The following WBP1L variants were observed in gnomAD, a reference collection of about 807,000 sequenced individuals.
WBP1L encodes WW domain binding protein 1 like, also known as WW domain binding protein 1-like.
WBP1L carries 17 observed loss-of-function variants against 33.7 expected under a neutral mutation model. The observed-to-expected ratio is 0.50, with a 90% CI of 0.34 to 0.76. WBP1L has a LOEUF of 0.76. WBP1L is among the 30% of genes least tolerant of loss of function. The probability of loss-of-function intolerance (pLI) is 0.01; values close to 1 mark genes in which losing one functional copy is unlikely to be tolerated. For synonymous variants in WBP1L, 173 were observed against 190.8 expected (o/e 0.91, Z 0.77); for missense variants, 389 against 469.4 (o/e 0.83, Z 1.58).
chr10:102,775,004 C>A (rs1296632748), intron 1 of WBP1L, among the ~76,000 whole-genome samples: 2 of 151,032 alleles, frequency 1.3e-5, no homozygotes, highest in Middle Eastern at 3.4e-3. Context: ...GGTACCAGCT[C>A]CTTGGGAGGC....
chr10:102,793,774 CT>C (rs533691764), intron 1 of WBP1L, among the ~76,000 whole-genome samples: 236 of 145,596 alleles, frequency 1.6e-3, no homozygotes, highest in Non-Finnish European at 1.7e-3. Flanking sequence ...CCAGCTCACT[CT>C]TTTTTTTTTT....
intron 1 of WBP1L, among the ~76,000 whole-genome samples, chr10:102,792,592 C>CTT (rs11368357): frequency 2.2e-4 from 23 of 103,580 alleles, no homozygotes; most frequent in African/African-American, 3.5e-4. Flanking sequence ...TTTTTCTTTT[C>CTT]TTTTTTTTTT....
chr10:102,793,945 TA>T (rs1476607489), intron 1 of WBP1L, among the ~76,000 whole-genome samples: 1 of 152,038 alleles, frequency 6.6e-6, no homozygotes, highest in African/African-American at 2.4e-5. Context: ...ATTGTATTAT[TA>T]TTTTTTTGGT....
At chr10:102,755,057 C>G (rs1449776300) in intron 1 of WBP1L, among the ~76,000 whole-genome samples, 2 of 151,896 alleles carry the variant, frequency 1.3e-5, no homozygotes, top group Non-Finnish European at 2.9e-5. Flanking sequence ...TCAAGCCATT[C>G]TCCTGCCTCA....
Position 102,814,397 on chromosome 10 carries a change from G to A in WBP1L, c.*1066G>A, listed in dbSNP as rs935016955. On this transcript the variant is annotated 3_prime_UTR_variant, in exon 4 of 4. Transcript: ENST00000448841. Reference sequence around the variant, plus strand: ...TGTTCCGTATGAGGAAACAGACAGCGGACTGAGGAAGCGATGGCCCCAGAG... The same window carrying A: ...TGTTCCGTATGAGGAAACAGACAGCAGACTGAGGAAGCGATGGCCCCAGAG... 9 of 152,602 alleles carry A rather than the reference G, an allele frequency of 5.9e-5. No individual in the cohort carries two copies. Among genetic ancestry groups the A allele is most frequent in the African/African-American group, 2.2e-4 (9 of 41,438 alleles). 9.5% of individuals were successfully genotyped at this position (152,602 alleles called of 1,614,324 possible).
rs181427986 is a variant in WBP1L, at chr10:102,772,396, G to A, written c.91-25597G>A. Among the ~76,000 whole-genome samples, 29 of 151,006 alleles carry A rather than the reference G, an allele frequency of 1.9e-4. No homozygotes were observed. The East Asian group carries it at 4.9e-3, about 25-fold the overall frequency. Reference sequence around the variant, plus strand: ...CTGCTTCAGTCTCTCAAGTAGCTGGGACTACAGGTATGTGTCACCATGCTT... The same window carrying A: ...CTGCTTCAGTCTCTCAAGTAGCTGGAACTACAGGTATGTGTCACCATGCTT... On this transcript the variant is annotated intron_variant, in intron 1 of 3. Coordinates refer to ENST00000448841, the MANE Select transcript of WBP1L (RefSeq NM_001083913.2).
rs539461358 is a variant in WBP1L, at chr10:102,794,340, G to A, written c.91-3653G>A. On this transcript the variant is annotated intron_variant, in intron 1 of 3. Transcript: ENST00000448841. ...TTAAAGTTGAAGGAGACGGCTGGGC[G>A]TGGTGGCTCACGCCTGTAATCCCAG... is the stretch of plus-strand genomic sequence containing the variant. Among the ~76,000 whole-genome samples, 99 of 152,262 alleles carry A rather than the reference G, an allele frequency of 6.5e-4. 2 individuals are homozygous for A. The highest frequency in any genetic ancestry group is 1.3e-3 in the Non-Finnish European group (86 of 68,014).
intron 1 of WBP1L, among the ~76,000 whole-genome samples, chr10:102,753,809 G>A (rs1297900881): frequency 6.6e-6 from 1 of 152,162 alleles, no homozygotes; most frequent in South Asian, 2.1e-4. Flanking sequence ...GAATATCTGT[G>A]GCTTGGAAGG....
chr10:102,754,939 C>T (rs1044215274), intron 1 of WBP1L, among the ~76,000 whole-genome samples: 8 of 151,598 alleles, frequency 5.3e-5, no homozygotes, highest in African/African-American at 1.9e-4. Flanking sequence ...TGTCACCCAG[C>T]TTTAAAATAC....
chr10:102,767,258 A>G (rs1437151524), intron 1 of WBP1L, among the ~76,000 whole-genome samples: 1 of 152,178 alleles, frequency 6.6e-6, no homozygotes, highest in African/African-American at 2.4e-5. Context: ...TTCTGCAGTG[A>G]TTGTCAACAA....
At chr10:102,800,968 G>GA (rs1359678708) in intron 2 of WBP1L, among the ~76,000 whole-genome samples, 1 of 152,096 alleles carries the variant, frequency 6.6e-6, no homozygotes, top group Non-Finnish European at 1.5e-5. Context: ...AGGCCTCCGG[G>GA]AAAAAATGCC....
At chr10:102,788,300 C>T (rs915514233) in intron 1 of WBP1L, among the ~76,000 whole-genome samples, 5 of 151,494 alleles carry the variant, frequency 3.3e-5, no homozygotes, top group Admixed American at 6.6e-5. Context: ...TTAGTAGAGA[C>T]GGGGTTTCAC....
chr10:102,794,414 G>C (rs1036847887), intron 1 of WBP1L, among the ~76,000 whole-genome samples: 1 of 152,058 alleles, frequency 6.6e-6, no homozygotes, highest in Non-Finnish European at 1.5e-5. Context: ...GGGAGGTGGA[G>C]GTTGCAGTGA....
chr10:102,763,448 A>G (rs1219354751), intron 1 of WBP1L, among the ~76,000 whole-genome samples: 1 of 152,094 alleles, frequency 6.6e-6, no homozygotes, highest in African/African-American at 2.4e-5. Flanking sequence ...CTGGCCTGGG[A>G]GGGGTCTCTG....
chr10:102,749,853 C>T (rs563579551), intron 1 of WBP1L, among the ~76,000 whole-genome samples: 28 of 151,628 alleles, frequency 1.8e-4, no homozygotes, highest in Non-Finnish European at 3.5e-4. Flanking sequence ...TCTTGGCTCA[C>T]TGCCACCTCT....
At chr10:102,789,573 A>G (rs1192407977) in intron 1 of WBP1L, among the ~76,000 whole-genome samples, 1 of 151,970 alleles carries the variant, frequency 6.6e-6, no homozygotes, top group African/African-American at 2.4e-5. Context: ...TTGTCTCATT[A>G]TCGTGTTTTA....
At chr10:102,791,673 G>A (rs1843500482) in intron 1 of WBP1L, among the ~76,000 whole-genome samples, 1 of 152,158 alleles carries the variant, frequency 6.6e-6, no homozygotes, top group South Asian at 2.1e-4. Flanking sequence ...TTCCTGCAGG[G>A]AAAGCCAGAG....
intron 1 of WBP1L, among the ~76,000 whole-genome samples, chr10:102,795,118 C>A (rs1843556234): frequency 6.6e-6 from 1 of 152,140 alleles, no homozygotes; most frequent in African/African-American, 2.4e-5. Flanking sequence ...CAGTAGAAAT[C>A]ATTTGTTTTT....
At chr10:102,811,598 C>T (rs1384544598) in intron 3 of WBP1L, among the ~76,000 whole-genome samples, 2 of 152,224 alleles carry the variant, frequency 1.3e-5, no homozygotes, top group East Asian at 1.9e-4. Flanking sequence ...GCAACCTCCT[C>T]CTCTGGGGTT....
Sources: gnomAD v4.1 joint callset for allele counts (sites outside exome capture counted in the v4.1 genomes callset) on GRCh38, gnomAD v4.1.1 for gene constraint, MANE v1.5 for transcripts, NCBI Gene and HGNC (gene_info 2026-07-23, HGNC 2026-07-21) for gene names.